The following GMDS variants were observed in gnomAD, a reference collection of about 807,000 sequenced individuals.
GMDS encodes GDP-mannose 4,6-dehydratase.
In GMDS, 20 loss-of-function variants were observed where a neutral mutation model predicts 49.9. The ratio of observed to expected loss-of-function variants is 0.40; its 90% CI spans 0.28 to 0.58. The LOEUF (loss-of-function observed/expected upper bound fraction) is 0.58. GMDS is among the 20% of genes least tolerant of loss of function. GMDS has a pLI of 0.42. For missense variants in GMDS, 362 were observed against 481.4 expected (o/e 0.75, Z 2.32); for synonymous variants, 177 against 178.6 (o/e 0.99, Z 0.07).
intron 9 of GMDS, among the ~76,000 whole-genome samples, chr6:1,696,138 G>C (rs1033256401): frequency 1.3e-5 from 2 of 152,114 alleles, no homozygotes; most frequent in Non-Finnish European, 2.9e-5. Context: ...TCTTGGCTCA[G>C]TGCTCCAGGG....
intron 7 of GMDS, among the ~76,000 whole-genome samples, chr6:1,803,330 G>C (rs1028859523): frequency 2.0e-5 from 3 of 152,108 alleles, no homozygotes; most frequent in African/African-American, 7.2e-5. Context: ...GGCAAAAAAC[G>C]TCTCTGGGCT....
chr6:1,729,562 G>A (rs1766716940), intron 8 of GMDS, among the ~76,000 whole-genome samples: 1 of 152,212 alleles, frequency 6.6e-6, no homozygotes, highest in Admixed American at 6.5e-5. Context: ...TTTCGGCCAA[G>A]TGCCAAAAAA....
chr6:1,802,146 A>C (rs951859569), intron 7 of GMDS, among the ~76,000 whole-genome samples: 3 of 152,250 alleles, frequency 2.0e-5, no homozygotes, highest in Non-Finnish European at 4.4e-5. Context: ...AGATTATTCC[A>C]ATGTAAAATA....
intron 1 of GMDS, among the ~76,000 whole-genome samples, chr6:2,211,092 GA>G (rs1330152726): frequency 1.3e-5 from 2 of 152,136 alleles, no homozygotes; most frequent in African/African-American, 4.8e-5. Flanking sequence ...GCATAACTGT[GA>G]GTCAATTAAA....
chr6:2,135,458 C>T (rs1350166104), intron 1 of GMDS, among the ~76,000 whole-genome samples: 1 of 152,140 alleles, frequency 6.6e-6, no homozygotes, highest in Non-Finnish European at 1.5e-5. Flanking sequence ...ATGGAGCAAT[C>T]AATCAGCTAA....
chr6:1,927,630 C>T (rs533438745), intron 7 of GMDS, among the ~76,000 whole-genome samples: 13 of 152,270 alleles, frequency 8.5e-5, no homozygotes, highest in South Asian at 4.1e-4. Flanking sequence ...CTCGCAGCAG[C>T]GCTAGCTTGG....
At chr6:1,985,798 G>A (rs955702939) in intron 4 of GMDS, among the ~76,000 whole-genome samples, 4 of 152,162 alleles carry the variant, frequency 2.6e-5, no homozygotes, top group Non-Finnish European at 5.9e-5. Flanking sequence ...GGTGATTGGT[G>A]ACCACACAAG....
intron 7 of GMDS, among the ~76,000 whole-genome samples, chr6:1,920,256 T>TTGGGCA (rs1318688623): frequency 6.6e-6 from 1 of 152,222 alleles, no homozygotes; most frequent in African/African-American, 2.4e-5. Flanking sequence ...GAGCTTGGGC[T>TTGGGCA]TGGGCATTCA....
intron 7 of GMDS, among the ~76,000 whole-genome samples, chr6:1,819,515 C>A (rs1016603688): frequency 6.6e-6 from 1 of 152,032 alleles, no homozygotes; most frequent in African/African-American, 2.4e-5. Flanking sequence ...AATCCCAGCA[C>A]TTTGGGAGGC....
chr6:2,237,362 T>C (rs1781408536), intron 1 of GMDS, among the ~76,000 whole-genome samples: 1 of 152,198 alleles, frequency 6.6e-6, no homozygotes, highest in Non-Finnish European at 1.5e-5. Context: ...GGATTACCTT[T>C]CAGACATGTT....
chr6:1,898,047 T>A (rs9501780), intron 7 of GMDS, among the ~76,000 whole-genome samples: 808 of 31,162 alleles, frequency 0.026, 13 homozygotes, highest in Middle Eastern at 0.042. Context: ...TACCCTGGCC[T>A]CCCTTGCCAT....
chr6:1,755,973 A>C (rs148967524), intron 7 of GMDS, among the ~76,000 whole-genome samples: 386 of 152,352 alleles, frequency 2.5e-3, no homozygotes, highest in Non-Finnish European at 3.4e-3. Flanking sequence ...GTAAACAGGC[A>C]ACCTACAGAA....
Position 1,643,665 on chromosome 6 carries a change from G to A in GMDS, c.988-19125C>T, listed in dbSNP as rs116617539. On this transcript the variant is annotated intron_variant, in intron 9 of 10. Coordinates refer to ENST00000380815, the MANE Select transcript of GMDS (RefSeq NM_001500.4). ...CTGGGCCACGGTGGGGGGGACACTG[G>A]GGACTGCTAATGGTTATGGAGTTTT... Among the ~76,000 whole-genome samples the A allele has an allele frequency of 2.0e-3, 303 of 152,176 alleles. 3 individuals are homozygous for A. Among genetic ancestry groups the A allele is most frequent in the African/African-American group, 6.9e-3 (288 of 41,500 alleles).
intron 1 of GMDS, among the ~76,000 whole-genome samples, chr6:2,142,772 C>A (rs1158139748): frequency 6.6e-6 from 1 of 152,106 alleles, no homozygotes; most frequent in Non-Finnish European, 1.5e-5. Context: ...GGTGGCCGGG[C>A]AAGTTTGGAG....
intron 9 of GMDS, among the ~76,000 whole-genome samples, chr6:1,685,219 A>T (rs1764933594): frequency 3.1e-5 from 1 of 32,256 alleles, no homozygotes; most frequent in African/African-American, 1.0e-4. Flanking sequence ...CAACATGGTG[A>T]GACCCCCGTC....
At chr6:1,761,571 T>A (rs1435969881) in intron 7 of GMDS, among the ~76,000 whole-genome samples, 1 of 152,228 alleles carries the variant, frequency 6.6e-6, no homozygotes, top group Non-Finnish European at 1.5e-5. Flanking sequence ...TCTGTTAATA[T>A]AACACAGCAT....
intron 4 of GMDS, among the ~76,000 whole-genome samples, chr6:2,064,381 G>A (rs1422642072): frequency 6.6e-6 from 1 of 152,196 alleles, no homozygotes; most frequent in African/African-American, 2.4e-5. Context: ...AAACCGAAGT[G>A]TGGGAGGAGG....
At chr6:1,759,670 T>C (rs1768086694) in intron 7 of GMDS, among the ~76,000 whole-genome samples, 1 of 152,194 alleles carries the variant, frequency 6.6e-6, no homozygotes, top group Non-Finnish European at 1.5e-5. Context: ...CTGGCCTACG[T>C]GCTTTAAACA....
intron 4 of GMDS, among the ~76,000 whole-genome samples, chr6:2,048,395 T>C (rs1770157351): frequency 6.6e-6 from 1 of 152,252 alleles, no homozygotes; most frequent in Non-Finnish European, 1.5e-5. Flanking sequence ...CACTGGTCTA[T>C]ATGTTACTCT....
Sources: allele counts gnomAD v4.1 joint callset (sites outside exome capture counted in the v4.1 genomes callset), GRCh38; gene constraint gnomAD v4.1.1; transcripts MANE v1.5; gene names NCBI Gene and HGNC (gene_info 2026-07-23, HGNC 2026-07-21).